The following ANAPC7 variants were observed in gnomAD, a reference collection of about 807,000 sequenced individuals.
ANAPC7 encodes anaphase promoting complex subunit 7.
In ANAPC7, 25 loss-of-function variants were observed where a neutral mutation model predicts 63.3. The ratio of observed to expected loss-of-function variants is 0.39; its 90% CI spans 0.29 to 0.55. ANAPC7 has a LOEUF of 0.55. Ranked by LOEUF, ANAPC7 falls within the 20% of genes least tolerant of loss-of-function variation. The probability of loss-of-function intolerance (pLI) is 0.57; values close to 1 mark genes in which losing one functional copy is unlikely to be tolerated. For missense variants in ANAPC7, 516 were observed against 691.7 expected, an observed-to-expected ratio of 0.75 and a Z score of 2.85; for synonymous variants, 241 against 251.7, an observed-to-expected ratio of 0.96 and a Z score of 0.40.
At chr12:110,393,375 G>A (rs1592922032) in intron 3 of ANAPC7, among the ~76,000 whole-genome samples, 1 of 152,080 alleles carries the variant, frequency 6.6e-6, no homozygotes. Flanking sequence ...TGCCTATGGA[G>A]TAGCCATTCT....
intron 3 of ANAPC7, among the ~76,000 whole-genome samples, chr12:110,390,008 T>C (rs1476258594): frequency 1.3e-5 from 2 of 152,078 alleles, no homozygotes; most frequent in East Asian, 3.8e-4. Context: ...GTAGAAGTTA[T>C]AGGCAAGTGA....
intron 9 of ANAPC7, 120 bp from the exon 10 acceptor site, chr12:110,376,336 G>T: frequency 9.1e-7 from 1 of 1,099,162 alleles, no homozygotes; most frequent in Non-Finnish European, 1.3e-6. Context: ...GCGAGGGCAA[G>T]CACACCTGAA....
chr12:110,383,867 C>A (rs549444225), intron 6 of ANAPC7, among the ~76,000 whole-genome samples: 1 of 111,364 alleles, frequency 9.0e-6, no homozygotes, highest in South Asian at 3.0e-4. Context: ...CAGAGCGAGA[C>A]TCCGTCTCAA....
At chr12:110,379,513 G>T (rs1331823654) in intron 8 of ANAPC7, among the ~76,000 whole-genome samples, 1 of 152,234 alleles carries the variant, frequency 6.6e-6, no homozygotes, top group African/African-American at 2.4e-5. Context: ...GAATTAACAT[G>T]ATTAACAGCA....
chr12:110,375,898 A>C lies in ANAPC7; in HGVS notation c.1508+168T>G, dbSNP rs569574197. The C allele has an allele frequency of 3.8e-6, 5 of 1,319,308 alleles. No individual in the cohort carries two copies. In the East Asian group the frequency reaches 1.4e-4, roughly 36 times the overall value. 81.7% of individuals were successfully genotyped at this position (1,319,308 alleles called of 1,614,324 possible). On this transcript the variant is annotated intron_variant, in intron 10 of 10. Transcript: ENST00000455511. Reference sequence around the variant, plus strand: ...TGTTGTTAATATATTTTAAGAAAAAATTTTTAGAAGTCATGAATTCACAAA... The same window carrying C: ...TGTTGTTAATATATTTTAAGAAAAACTTTTTAGAAGTCATGAATTCACAAA...
intron 3 of ANAPC7, among the ~76,000 whole-genome samples, chr12:110,389,281 G>C (rs1344079149): frequency 6.6e-6 from 1 of 152,068 alleles, no homozygotes; most frequent in South Asian, 2.1e-4. Flanking sequence ...ATTCTTTCTT[G>C]ATCTTAAAAC....
intron 3 of ANAPC7, among the ~76,000 whole-genome samples, chr12:110,392,092 C>CAA (rs1283316509): frequency 0.015 from 210 of 14,460 alleles, 1 homozygote; most frequent in South Asian, 0.028. Context: ...CTCCACCTCA[C>CAA]AAAAAAAAAA....
At chr12:110,398,935 C>G (rs1003498867) in intron 1 of ANAPC7, among the ~76,000 whole-genome samples, 1 of 151,846 alleles carries the variant, frequency 6.6e-6, no homozygotes, top group South Asian at 2.1e-4. Context: ...CAACAAGAGC[C>G]AAACTCCATC....
In ANAPC7 at chr12:110,403,425, G is replaced by C. The variant is rs369130684; in HGVS notation, c.101+102C>G. 1.1e-5 allele frequency: 15 copies of C among 1,321,926 alleles called. No individual in the cohort carries two copies. The African/African-American group carries it at 2.1e-4, about 18-fold the overall frequency. 81.9% of individuals were successfully genotyped at this position (1,321,926 alleles called of 1,614,324 possible). A position where few individuals can be genotyped will look rare whatever the true frequency, so the allele number is the denominator to read the frequency against. On this transcript the variant is annotated intron_variant, in intron 1 of 10. Coordinates refer to ENST00000455511, the MANE Select transcript of ANAPC7 (RefSeq NM_016238.3). ...AGACCCCGGAGCCTCCGCTGGCGCCGGCGGCCGCTCCTTCCCGCCTGTTCC... is the reference window on the plus strand; with the variant it reads ...AGACCCCGGAGCCTCCGCTGGCGCCCGCGGCCGCTCCTTCCCGCCTGTTCC...
In ANAPC7 at chr12:110,399,780, G is replaced by A. The variant is rs531234417; in HGVS notation, c.102-3328C>T. On this transcript the variant is annotated intron_variant, in intron 1 of 10. Coordinates refer to ENST00000455511, the MANE Select transcript of ANAPC7 (RefSeq NM_016238.3). ...ACTCCAGCCTGGGTGACGAGAGAGA[G>A]ACTCTGTCTCAGACAAAAAAAAAAA... Among the ~76,000 whole-genome samples, 62 of 133,232 alleles carry A rather than the reference G, an allele frequency of 4.7e-4. 1 individual carries two copies. The highest frequency in any genetic ancestry group is 9.6e-3 in the Middle Eastern group (2 of 208). The allele number at this position is 133,232 out of a possible 152,430, so 87.4% of individuals were successfully genotyped here. A position where few individuals can be genotyped will look rare whatever the true frequency, so the allele number is the denominator to read the frequency against.
rs766246442 is a variant in ANAPC7 at position 110,403,641 on chromosome 12, G to A, written c.-14C>T. 40 of 1,585,562 alleles carry A rather than the reference G, an allele frequency of 2.5e-5. No homozygotes were observed. Among genetic ancestry groups the A allele is most frequent in the Middle Eastern group, 1.7e-4 (1 of 6,044 alleles). The stretch of plus-strand genomic sequence containing the variant: ...TATCACATTCATCCTGCTCTGCAAA[G>A]CCGCGGGCAGCGGCGGCAGCACTGA... On this transcript the variant is annotated 5_prime_UTR_variant, in exon 1 of 11. Transcript: ENST00000455511.
chr12:110,387,956 G>GC (rs1447278506), intron 4 of ANAPC7, 64 bp from the exon 5 acceptor site: 5 of 1,564,624 alleles, frequency 3.2e-6, no homozygotes, highest in Non-Finnish European at 4.4e-6. Context: ...CATGCAAGGA[G>GC]CAACGGGCTA....
At chr12:110,386,640 T>C in intron 5 of ANAPC7, 171 bp from the exon 6 acceptor site, 1 of 585,420 alleles carries the variant, frequency 1.7e-6, no homozygotes, top group Non-Finnish European at 2.9e-6. Flanking sequence ...TAGGACAGGA[T>C]AGCAAAAACA....
intron 3 of ANAPC7, among the ~76,000 whole-genome samples, chr12:110,390,381 T>A (rs996601318): frequency 6.6e-6 from 1 of 152,102 alleles, no homozygotes; most frequent in Non-Finnish European, 1.5e-5. Flanking sequence ...GCAAAATTAG[T>A]AGATTTTAAA....
intron 8 of ANAPC7, among the ~76,000 whole-genome samples, chr12:110,380,055 G>T (rs930571408): frequency 1.3e-5 from 2 of 152,280 alleles, no homozygotes; most frequent in East Asian, 3.9e-4. Context: ...CCACGAAAAA[G>T]AATAGGCCTA....
chr12:110,383,757 T>G (rs563158841), intron 6 of ANAPC7, among the ~76,000 whole-genome samples: 12 of 149,692 alleles, frequency 8.0e-5, no homozygotes, highest in African/African-American at 3.0e-4. Flanking sequence ...GTGCCTGTAA[T>G]CCCAGCTACT....
At chr12:110,381,697 AG>A in intron 8 of ANAPC7, 54 bp downstream of exon 8, 1 of 1,555,498 alleles carries the variant, frequency 6.4e-7, no homozygotes. Flanking sequence ...CTTCCATCTG[AG>A]GGCTGCTGCC....
intron 7 of ANAPC7, 118 bp downstream of exon 7, chr12:110,382,725 A>T (rs1485774020): frequency 1.1e-5 from 9 of 804,302 alleles, no homozygotes; most frequent in Non-Finnish European, 1.8e-5. Context: ...ATGAGCCACC[A>T]TGCCTGTCCA....
chr12:110,375,875 T>C (rs748155382), intron 10 of ANAPC7, 191 bp downstream of exon 10: 167 of 1,308,730 alleles, frequency 1.3e-4, no homozygotes, highest in Admixed American at 3.5e-4. Context: ...TTCTCTAATG[T>C]TGTTAATATA....
Sources: allele counts gnomAD v4.1 joint callset (sites outside exome capture counted in the v4.1 genomes callset), GRCh38; gene constraint gnomAD v4.1.1; transcripts MANE v1.5; gene names NCBI Gene and HGNC (gene_info 2026-07-23, HGNC 2026-07-21).